Variants in EZR observed in about 807,000 individuals in gnomAD.
EZR encodes the protein ezrin, also known as cytovillin 2.
Under a neutral mutation model 74.8 loss-of-function variants are expected in EZR, and 40 were observed. The observed-to-expected ratio is 0.53, with a 90% CI of 0.42 to 0.70. EZR has a LOEUF of 0.70. Among genes scored for constraint, EZR ranks in the 30% least tolerant of loss-of-function variants. EZR has a pLI of 0.00. For missense variants in EZR, 678 were observed against 755.8 expected (o/e 0.90, Z 1.21); for synonymous variants, 341 against 283.3 (o/e 1.20, Z -2.05).
rs536549026 is a variant in EZR at position 158,775,216 on chromosome 6, A to G, written c.795+1192T>C. Among the ~76,000 whole-genome samples, 116 of 152,082 alleles carry G rather than the reference A, an allele frequency of 7.6e-4. 1 individual carries two copies. The highest frequency in any genetic ancestry group is 1.4e-3 in the Non-Finnish European group (96 of 67,988). Reference sequence around the variant, plus strand: ...CCCAGATAATTTTTGTATTTTTAGTAGAGATGGGGTTTTCACTGTGTTGGC... The same window carrying G: ...CCCAGATAATTTTTGTATTTTTAGTGGAGATGGGGTTTTCACTGTGTTGGC... On this transcript the variant is annotated intron_variant, in intron 8 of 13. Coordinates refer to ENST00000367075, the MANE Select transcript of EZR (RefSeq NM_001111077.2).
At chr6:158,776,197 C>T (rs1210232510) in intron 8 of EZR, among the ~76,000 whole-genome samples, 1 of 152,178 alleles carries the variant, frequency 6.6e-6, no homozygotes, top group Non-Finnish European at 1.5e-5. Flanking sequence ...TCAGAACTGC[C>T]CTTTTCTTCA....
chr6:158,810,150 G>C (rs944450639), intron 2 of EZR, among the ~76,000 whole-genome samples: 27 of 152,150 alleles, frequency 1.8e-4, no homozygotes, highest in African/African-American at 6.5e-4. Flanking sequence ...AATAAAAGGT[G>C]GGTCATGGTG....
rs1562499412 is a variant in EZR at position 158,791,705 on chromosome 6, C to CTTTTTTTT, written c.13-2335_13-2334insAAAAAAAA. ...TCCATGCACACGAGATTTCAGACTC[C>CTTTTTTTT]ATTTTTTTTTTTTTTTTTTTTGAGA... On this transcript the variant is annotated intron_variant, in intron 2 of 13. Coordinates refer to ENST00000367075, the MANE Select transcript of EZR (RefSeq NM_001111077.2). Among the ~76,000 whole-genome samples, 169 of 62,508 alleles carry CTTTTTTTT rather than the reference C, an allele frequency of 2.7e-3. 2 individuals carry two copies. Among genetic ancestry groups the CTTTTTTTT allele is most frequent in the Admixed American group, 0.012 (102 of 8,290 alleles). The allele number at this position is 62,508 out of a possible 152,430, so 41.0% of individuals were successfully genotyped here.
At chr6:158,788,709 A>G (rs906394192) in intron 3 of EZR, among the ~76,000 whole-genome samples, 1 of 152,128 alleles carries the variant, frequency 6.6e-6, no homozygotes, top group South Asian at 2.1e-4. Flanking sequence ...AAAAGTATTT[A>G]ATAAGTAAGT....
chr6:158,818,143 C>A lies in EZR; in HGVS notation c.-50G>T, dbSNP rs1331125210. On this transcript the variant is annotated 5_prime_UTR_variant, in exon 2 of 14. Coordinates refer to ENST00000367075, the MANE Select transcript of EZR (RefSeq NM_001111077.2). ...GATCCCCGAAAACACGACTATCCAG[C>A]AGCAGCGAAGACGCTGTCCCAACCT... 6.2e-7 allele frequency: 1 copy of A among 1,602,968 alleles called. No homozygotes were observed.
intron 2 of EZR, among the ~76,000 whole-genome samples, chr6:158,806,112 G>A (rs892339362): frequency 3.9e-5 from 6 of 152,242 alleles, no homozygotes; most frequent in Non-Finnish European, 8.8e-5. Flanking sequence ...TTCCAAGTCA[G>A]CTGCAATTTT....
intron 8 of EZR, among the ~76,000 whole-genome samples, chr6:158,775,626 G>C (rs1372924192): frequency 6.6e-6 from 1 of 152,172 alleles, no homozygotes; most frequent in Non-Finnish European, 1.5e-5. Context: ...GTAAAATTCA[G>C]AACAGGCTCT....
intron 7 of EZR, among the ~76,000 whole-genome samples, chr6:158,781,987 G>C (rs376017701): frequency 2.1e-4 from 32 of 152,208 alleles, no homozygotes; most frequent in African/African-American, 7.7e-4. Flanking sequence ...CAAGACTCCT[G>C]AGCTCAAGGG....
At chr6:158,767,545 A>C (rs1387862006) in intron 12 of EZR, 33 bp from the exon 13 acceptor site, 6 of 1,542,686 alleles carry the variant, frequency 3.9e-6, no homozygotes, top group Non-Finnish European at 5.2e-6. Context: ...AGGACTTCTC[A>C]CCCAGAAGTC....
chr6:158,769,937 C>A lies in EZR; in HGVS notation c.1098G>T (p.Ser366=), dbSNP rs148026200. 108 of 1,610,368 alleles carry A rather than the reference C, an allele frequency of 6.7e-5. No individual in the cohort carries two copies. In the South Asian group the frequency reaches 1.0e-3, roughly 16 times the overall value. Residue 366 remains serine (S), a synonymous_variant, in exon 11 of 14, where the codon TCG becomes TCT. Coordinates refer to ENST00000367075, the MANE Select transcript of EZR (RefSeq NM_001111077.2). ...EKTKKAEREL[S]EQIQRALQLE... Reference sequence around the variant, plus strand: ...GCTGCAGGGCCCTCTGAATCTGCTCCGAGAGCTCTGCAAAGACACAAAGCC... The same window carrying A: ...GCTGCAGGGCCCTCTGAATCTGCTCAGAGAGCTCTGCAAAGACACAAAGCC...
At chr6:158,782,440 G>A (rs938506579) in intron 7 of EZR, among the ~76,000 whole-genome samples, 6 of 152,206 alleles carry the variant, frequency 3.9e-5, no homozygotes, top group African/African-American at 1.2e-4. Context: ...TGAGATGGGT[G>A]AGCCTCAAGT....
Position 158,771,381 on chromosome 6 carries a change from C to G in EZR, c.822G>C (p.Leu274=). The G allele has an allele frequency of 1.2e-6, 2 of 1,612,364 alleles. No homozygotes were observed. Among genetic ancestry groups the G allele is most frequent in the South Asian group, 2.2e-5 (2 of 90,878 alleles). Residue 274 remains leucine, a synonymous_variant, in exon 9 of 14, where the codon CTG becomes CTC. Coordinates refer to ENST00000367075, the MANE Select transcript of EZR (RefSeq NM_001111077.2). The part of the protein sequence containing the change: ...APDFVFYAPR[L]RINKRILQLC... ...GCTGCAGGATCCGCTTGTTGATTCT[C>G]AGACGTGGGGCATAAAACACAAAGT...
chr6:158,797,418 G>C (rs145124764), intron 2 of EZR, among the ~76,000 whole-genome samples: 1 of 152,256 alleles, frequency 6.6e-6, no homozygotes, highest in African/African-American at 2.4e-5. Flanking sequence ...GTGGTTAACA[G>C]ATTAATCCCT....
intron 1 of EZR, 22 bp from the exon 2 acceptor site, chr6:158,818,188 T>TA: frequency 7.2e-7 from 1 of 1,380,336 alleles, no homozygotes; most frequent in South Asian, 1.3e-5. Context: ...GCAGAACCCT[T>TA]AGAGCGCCCG....
intron 2 of EZR, among the ~76,000 whole-genome samples, chr6:158,797,636 GCT>G (rs2128573162): frequency 6.6e-6 from 1 of 152,322 alleles, no homozygotes; most frequent in Admixed American, 6.5e-5. Flanking sequence ...ACTTAGAAAT[GCT>G]CTGATAGAAA....
Position 158,787,198 on chromosome 6 carries a change from T to C in EZR, c.102A>G (p.Val34=). ...TTGKQLFDQV[V]KTIGLREVWY... ...ACACTTCCCGGAGGCCGATAGTCTTTACCACCTGCGTGAGAGAGAGAGAGG... is the reference window on the plus strand; with the variant it reads ...ACACTTCCCGGAGGCCGATAGTCTTCACCACCTGCGTGAGAGAGAGAGAGG... The change falls in exon 4 of 14, where the codon GTA becomes GTG. Residue 34 remains valine (V), a synonymous_variant. Coordinates refer to ENST00000367075, the MANE Select transcript of EZR (RefSeq NM_001111077.2). 2 of 1,612,638 alleles carry C rather than the reference T, an allele frequency of 1.2e-6. No homozygotes were observed. The highest frequency in any genetic ancestry group is 2.2e-5 in the East Asian group (1 of 44,862).
At position 158,774,671 on chromosome 6, in the gene EZR, AAACACACACACACAC is replaced by A. The variant is rs1791216287; in HGVS notation, c.795+1722_795+1736del. ...CTTTTCAAGAGATGGACTTATCATC[AAACACACACACACAC>A]ACACACACACACACACACACACACA... On this transcript the variant is annotated intron_variant, in intron 8 of 13. Transcript: ENST00000367075. Among the ~76,000 whole-genome samples, 4 of 69,956 alleles carry A rather than the reference AAACACACACACACAC, an allele frequency of 5.7e-5. No homozygotes were observed. In the South Asian group the frequency reaches 2.0e-3, roughly 35 times the overall value. The allele number at this position is 69,956 out of a possible 152,430, so 45.9% of individuals were successfully genotyped here. A position where few individuals can be genotyped will look rare whatever the true frequency, so the allele number is the denominator to read the frequency against.
chr6:158,791,087 C>T (rs951051004), intron 2 of EZR, among the ~76,000 whole-genome samples: 8 of 152,140 alleles, frequency 5.3e-5, no homozygotes, highest in African/African-American at 1.7e-4. Flanking sequence ...TCTCCCCAGC[C>T]GCTCCCACCC....
At chr6:158,790,806 C>T (rs1791722834) in intron 2 of EZR, among the ~76,000 whole-genome samples, 1 of 152,240 alleles carries the variant, frequency 6.6e-6, no homozygotes, top group Non-Finnish European at 1.5e-5. Context: ...AATCTGGCTA[C>T]TTTATGTCAC....
Sources: allele counts gnomAD v4.1 joint callset (sites outside exome capture counted in the v4.1 genomes callset), GRCh38; gene constraint gnomAD v4.1.1; transcripts MANE v1.5; gene names NCBI Gene and HGNC (gene_info 2026-07-23, HGNC 2026-07-21).